The following NKAIN2 variants were observed in gnomAD, a reference collection of about 807,000 sequenced individuals.
The protein encoded by NKAIN2 is sodium/potassium-transporting ATPase subunit beta-1-interacting protein 2.
NKAIN2 carries 14 observed loss-of-function variants against 32.6 expected under a neutral mutation model. The observed-to-expected ratio is 0.43, with a 90% CI of 0.28 to 0.67. The LOEUF (loss-of-function observed/expected upper bound fraction) is 0.67. Ranked by LOEUF, NKAIN2 falls within the 30% of genes least tolerant of loss-of-function variation. The pLI is 0.17. For missense variants in NKAIN2, 198 were observed against 258.3 expected, an observed-to-expected ratio of 0.77 and a Z score of 1.60; for synonymous variants, 80 against 87.2, an observed-to-expected ratio of 0.92 and a Z score of 0.46.
At chr6:124,501,357 C>T (rs950762453) in intron 3 of NKAIN2, among the ~76,000 whole-genome samples, 1 of 152,000 alleles carries the variant, frequency 6.6e-6, no homozygotes, top group African/African-American at 2.4e-5. Flanking sequence ...AAATAAAGTG[C>T]ATGAAGCCAT....
chr6:124,317,000 T>C (rs1796980888), intron 2 of NKAIN2, among the ~76,000 whole-genome samples: 1 of 152,060 alleles, frequency 6.6e-6, no homozygotes, highest in Non-Finnish European at 1.5e-5. Flanking sequence ...GGGACTCTAA[T>C]TGAAACAAAT....
At chr6:124,311,012 C>T (rs1310406664) in intron 2 of NKAIN2, among the ~76,000 whole-genome samples, 3 of 152,168 alleles carry the variant, frequency 2.0e-5, no homozygotes, top group East Asian at 1.9e-4. Context: ...TGTTTGAAGA[C>T]TTTCAAATTT....
chr6:124,367,927 A>G lies in NKAIN2; in HGVS notation c.273+12580A>G, dbSNP rs543407851. 5.9e-5 allele frequency among the ~76,000 whole-genome samples: 9 copies of G among 152,208 alleles called. No homozygotes were observed. The East Asian group carries it at 1.5e-3, about 26-fold the overall frequency. ...TTTTCAGAAAATTACAGTGGTGTCC[A>G]TTTTTTAAAATTCAAATATTTTTAA... On this transcript the variant is annotated intron_variant, in intron 3 of 6. Transcript: ENST00000368417.
intron 4 of NKAIN2, among the ~76,000 whole-genome samples, chr6:124,668,695 G>A (rs1227616855): frequency 1.3e-5 from 2 of 152,042 alleles, no homozygotes; most frequent in African/African-American, 4.8e-5. Context: ...TATACTGTGA[G>A]GTACGGAAAA....
At chr6:124,188,746 T>C (rs1266814259) in intron 1 of NKAIN2, among the ~76,000 whole-genome samples, 1 of 152,236 alleles carries the variant, frequency 6.6e-6, no homozygotes, top group Admixed American at 6.5e-5. Context: ...TCTGATATGC[T>C]GTGGAGCCTA....
chr6:123,997,268 C>G (rs187785181), intron 1 of NKAIN2, among the ~76,000 whole-genome samples: 6 of 152,334 alleles, frequency 3.9e-5, no homozygotes, highest in Admixed American at 2.0e-4. Context: ...TTGCAATATT[C>G]TGGTGACTGT....
chr6:124,565,807 G>A (rs895991193), intron 3 of NKAIN2, among the ~76,000 whole-genome samples: 3 of 152,092 alleles, frequency 2.0e-5, no homozygotes, highest in African/African-American at 7.2e-5. Flanking sequence ...TCGATCCAAG[G>A]GATAAGTCCT....
At chr6:124,384,511 A>G (rs2114387298) in intron 3 of NKAIN2, among the ~76,000 whole-genome samples, 1 of 152,310 alleles carries the variant, frequency 6.6e-6, no homozygotes, top group East Asian at 1.9e-4. Context: ...ATCAAGACAC[A>G]ATGGATTGTC....
Position 124,529,272 on chromosome 6 carries a change from G to A in NKAIN2, c.274-128914G>A, listed in dbSNP as rs554235719. Among the ~76,000 whole-genome samples, 6 of 152,174 alleles carry A rather than the reference G, an allele frequency of 3.9e-5. No individual in the cohort carries two copies. In the East Asian group the frequency reaches 5.8e-4, roughly 15 times the overall value. On this transcript the variant is annotated intron_variant, in intron 3 of 6. Transcript: ENST00000368417. ...GGCAGGGGATAGAATGAATGATAAC[G>A]TTACTAAAAGGTACGGGGCCCACCC...
chr6:124,625,856 C>T (rs979332720), intron 3 of NKAIN2, among the ~76,000 whole-genome samples: 22 of 151,600 alleles, frequency 1.5e-4, no homozygotes, highest in Admixed American at 5.3e-4. Context: ...CAGTGTGTTT[C>T]GTTCCAAAGC....
chr6:124,278,817 T>C (rs565936020), intron 1 of NKAIN2, among the ~76,000 whole-genome samples: 1 of 151,626 alleles, frequency 6.6e-6, no homozygotes, highest in South Asian at 2.1e-4. Flanking sequence ...GAGTTTGTCC[T>C]ATGGCTATAT....
intron 3 of NKAIN2, among the ~76,000 whole-genome samples, chr6:124,409,979 A>T (rs1001743001): frequency 6.6e-6 from 1 of 152,046 alleles, no homozygotes; most frequent in Admixed American, 6.6e-5. Context: ...GTTTATTTGC[A>T]TAGAGGTGTT....
At chr6:124,048,439 G>T (rs572859296) in intron 1 of NKAIN2, among the ~76,000 whole-genome samples, 2 of 152,052 alleles carry the variant, frequency 1.3e-5, no homozygotes, top group African/African-American at 4.8e-5. Flanking sequence ...CACATGCTTT[G>T]TGTGTGCACA....
chr6:124,729,601 CA>C (rs1373600456), intron 4 of NKAIN2, among the ~76,000 whole-genome samples: 1 of 151,508 alleles, frequency 6.6e-6, no homozygotes, highest in Non-Finnish European at 1.5e-5. Flanking sequence ...CAGCCAATAT[CA>C]TACTGAATGG....
At chr6:123,888,783 T>A (rs868781241) in intron 1 of NKAIN2, among the ~76,000 whole-genome samples, 2 of 152,090 alleles carry the variant, frequency 1.3e-5, no homozygotes, top group Non-Finnish European at 2.9e-5. Context: ...GCAGAGAATA[T>A]TTTAGGGGTA....
chr6:123,804,455 TTTCTGTCCCTTTTAAGACAG>T lies in NKAIN2; in HGVS notation c.54+204_54+223del, dbSNP rs143087253. 4.9e-3 allele frequency among the ~76,000 whole-genome samples: 753 copies of T among 152,276 alleles called. 21 individuals are homozygous for T. In the East Asian group the frequency reaches 0.08, roughly 16 times the overall value. ...AGGTGAGCCTTTCCGTTCCCACCTA[TTTCTGTCCCTTTTAAGACAG>T]TTTGGCAGGTGCGGGTTAAACTTGT... On this transcript the variant is annotated intron_variant, in intron 1 of 6. Transcript: ENST00000368417.
chr6:124,039,641 A>G (rs1205708771), intron 1 of NKAIN2, among the ~76,000 whole-genome samples: 1 of 151,904 alleles, frequency 6.6e-6, no homozygotes, highest in Non-Finnish European at 1.5e-5. Context: ...ACAATAGGCA[A>G]TTCATGTCTT....
chr6:124,345,269 A>C (rs573714798), intron 2 of NKAIN2, among the ~76,000 whole-genome samples: 4 of 152,192 alleles, frequency 2.6e-5, no homozygotes, highest in Non-Finnish European at 5.9e-5. Flanking sequence ...ATCAATGTTC[A>C]TCAAGGATAT....
intron 1 of NKAIN2, among the ~76,000 whole-genome samples, chr6:124,251,485 A>T (rs1286628530): frequency 6.6e-6 from 1 of 152,052 alleles, no homozygotes. Context: ...TATGTAAAAA[A>T]CTTATATAAC....
Sources: gnomAD v4.1 joint callset for allele counts (sites outside exome capture counted in the v4.1 genomes callset) on GRCh38, gnomAD v4.1.1 for gene constraint, MANE v1.5 for transcripts, NCBI Gene and HGNC (gene_info 2026-07-23, HGNC 2026-07-21) for gene names.